The following MAPK10 variants were observed in gnomAD, a reference collection of about 807,000 sequenced individuals.
MAPK10 encodes JNK3 alpha protein kinase.
A neutral mutation model predicts 59.3 loss-of-function variants in MAPK10; 25 were observed. That is an observed-to-expected ratio of 0.42 (90% CI 0.31 to 0.59). The LOEUF (loss-of-function observed/expected upper bound fraction) is 0.59, where lower values mean the gene tolerates loss of function less well. Ranked by LOEUF, MAPK10 falls within the 20% of genes least tolerant of loss-of-function variation. The pLI is 0.15. For missense variants in MAPK10, 351 were observed against 568.9 expected (o/e 0.62, Z 3.90); for synonymous variants, 190 against 200.5 (o/e 0.95, Z 0.44).
At chr4:86,209,212 G>A (rs777775059) in intron 2 of MAPK10, among the ~76,000 whole-genome samples, 5 of 152,076 alleles carry the variant, frequency 3.3e-5, no homozygotes, top group Non-Finnish European at 7.4e-5. Flanking sequence ...TACAAGACTT[G>A]AAGTGAATAA....
At chr4:86,300,138 C>T (rs2095441865) in intron 2 of MAPK10, among the ~76,000 whole-genome samples, 2 of 152,086 alleles carry the variant, frequency 1.3e-5, no homozygotes, top group Admixed American at 6.5e-5. Context: ...AGTGATCTGC[C>T]CACCTCGGCC....
chr4:86,561,129 T>C (rs1013010713), intron 1 of MAPK10, among the ~76,000 whole-genome samples: 3 of 152,202 alleles, frequency 2.0e-5, no homozygotes, highest in African/African-American at 7.2e-5. Flanking sequence ...ATTCCTCACA[T>C]GCACCGTTCA....
chr4:86,499,660 C>T (rs563153155), intron 1 of MAPK10, among the ~76,000 whole-genome samples: 1 of 152,290 alleles, frequency 6.6e-6, no homozygotes, highest in Admixed American at 6.5e-5. Flanking sequence ...ACCTACACAA[C>T]ATCTATTCTC....
At chr4:86,337,735 G>A (rs1409691691) in intron 2 of MAPK10, among the ~76,000 whole-genome samples, 3 of 152,146 alleles carry the variant, frequency 2.0e-5, no homozygotes, top group Non-Finnish European at 4.4e-5. Flanking sequence ...ATTCCCTGGA[G>A]AACCCAAGAA....
intron 1 of MAPK10, among the ~76,000 whole-genome samples, chr4:86,555,672 C>T (rs562730465): frequency 1.3e-5 from 2 of 152,246 alleles, no homozygotes; most frequent in Middle Eastern, 3.4e-3. Flanking sequence ...TTGAATCTTT[C>T]TTTCCTTGAC....
chr4:86,272,600 A>G (rs1008789023), intron 2 of MAPK10, among the ~76,000 whole-genome samples: 1 of 151,960 alleles, frequency 6.6e-6, no homozygotes, highest in Non-Finnish European at 1.5e-5. Context: ...CAGCACTTCA[A>G]AATCAATTCT....
At chr4:86,031,122 C>T (rs1314472466) in intron 12 of MAPK10, among the ~76,000 whole-genome samples, 4 of 152,230 alleles carry the variant, frequency 2.6e-5, no homozygotes, top group South Asian at 4.2e-4. Context: ...TAAAAGGTAT[C>T]GACAAACACT....
chr4:86,586,714 A>C (rs1762676059), intron 1 of MAPK10, among the ~76,000 whole-genome samples: 1 of 152,212 alleles, frequency 6.6e-6, no homozygotes, highest in Non-Finnish European at 1.5e-5. Flanking sequence ...CTGGAAAATC[A>C]AGTAAGAATA....
chr4:86,142,045 T>C (rs1191588354), intron 4 of MAPK10, among the ~76,000 whole-genome samples: 1 of 152,088 alleles, frequency 6.6e-6, no homozygotes, highest in Non-Finnish European at 1.5e-5. Flanking sequence ...CTGCAAGAAT[T>C]AATCCAATCT....
chr4:86,434,227 A>G (rs1374126931), intron 1 of MAPK10, among the ~76,000 whole-genome samples: 1 of 152,188 alleles, frequency 6.6e-6, no homozygotes, highest in Non-Finnish European at 1.5e-5. Context: ...ATCATGCACC[A>G]TTGGTCTGGG....
intron 1 of MAPK10, among the ~76,000 whole-genome samples, chr4:86,554,570 T>C (rs913024287): frequency 6.6e-6 from 1 of 152,156 alleles, no homozygotes; most frequent in Admixed American, 6.5e-5. Flanking sequence ...CAGAAATATA[T>C]AAAAAATCTG....
intron 2 of MAPK10, among the ~76,000 whole-genome samples, chr4:86,272,936 G>A (rs2094475043): frequency 6.6e-6 from 1 of 152,064 alleles, no homozygotes; most frequent in Non-Finnish European, 1.5e-5. Flanking sequence ...CACATTAGCA[G>A]TCATCTGCAA....
intron 1 of MAPK10, among the ~76,000 whole-genome samples, chr4:86,428,235 T>C (rs1309074080): frequency 1.3e-5 from 2 of 151,828 alleles, no homozygotes; most frequent in East Asian, 3.9e-4. Context: ...CCTCAACCTC[T>C]CAGGCTAAAA....
intron 9 of MAPK10, among the ~76,000 whole-genome samples, chr4:86,085,038 A>G (rs1315710431): frequency 6.6e-6 from 1 of 152,198 alleles, no homozygotes; most frequent in African/African-American, 2.4e-5. Context: ...AAAACTGGAT[A>G]TCCACATGCA....
At chr4:86,255,985 G>C (rs571474326) in intron 2 of MAPK10, among the ~76,000 whole-genome samples, 1 of 152,234 alleles carries the variant, frequency 6.6e-6, no homozygotes, top group South Asian at 2.1e-4. Flanking sequence ...GGGAAAAAAA[G>C]AATAGAGAAA....
intron 2 of MAPK10, among the ~76,000 whole-genome samples, chr4:86,203,549 T>A (rs1003533418): frequency 5.3e-5 from 8 of 151,360 alleles, no homozygotes. Context: ...AAAAAAAAGT[T>A]CCAACAGTTT....
chr4:86,150,618 T>A (rs192892854), intron 4 of MAPK10, among the ~76,000 whole-genome samples: 6 of 152,126 alleles, frequency 3.9e-5, no homozygotes, highest in African/African-American at 1.4e-4. Context: ...TCTCAGCACT[T>A]TGGGAGGCCG....
chr4:86,400,539 C>G (rs1003376531), intron 1 of MAPK10, among the ~76,000 whole-genome samples: 7 of 151,920 alleles, frequency 4.6e-5, no homozygotes, highest in Admixed American at 3.3e-4. Flanking sequence ...TAAAAAAATG[C>G]CTTTTAGTTC....
At chr4:86,091,928 T>C (rs1269051942) in intron 9 of MAPK10, among the ~76,000 whole-genome samples, 1 of 152,082 alleles carries the variant, frequency 6.6e-6, no homozygotes, top group Non-Finnish European at 1.5e-5. Flanking sequence ...CACCTCGGCC[T>C]CCCAAAGTGC....
Sources: allele counts gnomAD v4.1 joint callset (sites outside exome capture counted in the v4.1 genomes callset), GRCh38; gene constraint gnomAD v4.1.1; transcripts MANE v1.5; gene names NCBI Gene and HGNC (gene_info 2026-07-23, HGNC 2026-07-21).